Variants in ACOXL observed in about 807,000 individuals in gnomAD.
The protein encoded by ACOXL is acyl-coenzyme A oxidase-like protein.
A neutral mutation model predicts 71.9 loss-of-function variants in ACOXL; 70 were observed. The ratio of observed to expected loss-of-function variants is 0.97; its 90% CI spans 0.80 to 1.19. The LOEUF is 1.19. Among genes scored for constraint, ACOXL ranks in the 50% most tolerant of loss-of-function variants. The pLI, the probability that ACOXL is intolerant of heterozygous loss-of-function variation, is 0.00. For synonymous variants in ACOXL, 253 were observed against 281.6 expected, an observed-to-expected ratio of 0.90 and a Z score of 1.02; for missense variants, 703 against 736.3, an observed-to-expected ratio of 0.95 and a Z score of 0.52.
At chr2:110,890,877 A>G (rs1371976987) in intron 10 of ACOXL, among the ~76,000 whole-genome samples, 2 of 152,176 alleles carry the variant, frequency 1.3e-5, no homozygotes, top group African/African-American at 2.4e-5. Flanking sequence ...TGGAGATTAC[A>G]TTGAACTTGC....
intron 15 of ACOXL, among the ~76,000 whole-genome samples, chr2:111,044,839 A>T (rs1025581397): frequency 6.6e-6 from 1 of 152,148 alleles, no homozygotes; most frequent in South Asian, 2.1e-4. Flanking sequence ...GCAGCAGAGG[A>T]AACCTGTTTC....
At chr2:110,769,223 G>GAA (rs565453011) in intron 2 of ACOXL, among the ~76,000 whole-genome samples, 2 of 135,470 alleles carry the variant, frequency 1.5e-5, no homozygotes, top group African/African-American at 5.9e-5. Flanking sequence ...TTAGCCTCAT[G>GAA]AAAAAAGAAA....
chr2:110,744,041 A>G (rs767673896), intron 1 of ACOXL, among the ~76,000 whole-genome samples: 1 of 152,204 alleles, frequency 6.6e-6, no homozygotes, highest in Non-Finnish European at 1.5e-5. Flanking sequence ...CAGATGTCCC[A>G]CACCTAGGCC....
intron 15 of ACOXL, 100 bp downstream of exon 15, chr2:111,031,814 G>A: frequency 1.7e-6 from 2 of 1,200,656 alleles, no homozygotes; most frequent in South Asian, 2.5e-5. Context: ...CCAACACACA[G>A]GGAAGGGACA....
At chr2:110,918,945 A>C (rs2059964107) in intron 11 of ACOXL, among the ~76,000 whole-genome samples, 1 of 152,200 alleles carries the variant, frequency 6.6e-6, no homozygotes, top group South Asian at 2.1e-4. Flanking sequence ...ATGCTTTTAC[A>C]CTGTTGGTGG....
At chr2:110,956,291 T>C (rs1036615140) in intron 12 of ACOXL, among the ~76,000 whole-genome samples, 3 of 152,166 alleles carry the variant, frequency 2.0e-5, no homozygotes, top group African/African-American at 7.2e-5. Context: ...TGGCTGTAGT[T>C]CACTATGGGT....
intron 16 of ACOXL, among the ~76,000 whole-genome samples, chr2:111,083,266 G>GTTTCTT (rs765079210): frequency 3.2e-4 from 48 of 152,218 alleles, no homozygotes; most frequent in Non-Finnish European, 6.0e-4. Flanking sequence ...TAAAAAGGGG[G>GTTTCTT]CTGTGTCAGG....
chr2:110,845,809 C>T (rs751231786), intron 10 of ACOXL, among the ~76,000 whole-genome samples: 2 of 152,162 alleles, frequency 1.3e-5, no homozygotes, highest in Non-Finnish European at 2.9e-5. Flanking sequence ...GTATAGGCCA[C>T]GTTCTGTTTC....
At chr2:110,764,209 A>G (rs927806976) in intron 1 of ACOXL, among the ~76,000 whole-genome samples, 7 of 152,222 alleles carry the variant, frequency 4.6e-5, no homozygotes, top group South Asian at 2.1e-4. Context: ...AAACCTGCAC[A>G]TGGATATTTA....
chr2:110,964,401 G>A (rs1195454063), intron 12 of ACOXL, among the ~76,000 whole-genome samples: 2 of 152,202 alleles, frequency 1.3e-5, no homozygotes, highest in Admixed American at 6.5e-5. Context: ...CTTTCAGAGA[G>A]TGCTATTTAT....
rs113159692 is a variant in ACOXL, at chr2:110,829,465, T to C, written c.754-11906T>C. 3.3e-3 allele frequency among the ~76,000 whole-genome samples: 502 copies of C among 152,322 alleles called. 3 individuals carry two copies. Among genetic ancestry groups the C allele is most frequent in the African/African-American group, 0.012 (488 of 41,576 alleles). On this transcript the variant is annotated intron_variant, in intron 9 of 17. Coordinates refer to ENST00000439055, the MANE Select transcript of ACOXL (RefSeq NM_001142807.4). ...GAGGAAGAGAGAGCTCCTTGTAGAA[T>C]TGTCCTAGAAATATTCAGAAAGCTC... is the stretch of plus-strand genomic sequence containing the variant.
At chr2:111,011,881 TAAAAA>T (rs35965746) in intron 14 of ACOXL, among the ~76,000 whole-genome samples, 15,383 of 112,474 alleles carry the variant, frequency 0.14, 1,578 homozygotes, top group African/African-American at 0.3. Flanking sequence ...GAGACTCTGT[TAAAAA>T]AAAAAAAAAA....
intron 1 of ACOXL, among the ~76,000 whole-genome samples, chr2:110,733,491 A>C (rs1042723430): frequency 6.6e-6 from 1 of 152,136 alleles, no homozygotes; most frequent in Non-Finnish European, 1.5e-5. Flanking sequence ...TACCCATTTC[A>C]AGCAGTCTGA....
intron 9 of ACOXL, among the ~76,000 whole-genome samples, chr2:110,839,790 C>A (rs1342204134): frequency 6.6e-6 from 1 of 152,118 alleles, no homozygotes; most frequent in Non-Finnish European, 1.5e-5. Flanking sequence ...CCCTTTCACC[C>A]TCCCACAGCC....
At position 110,827,227 on chromosome 2, in the gene ACOXL, A is replaced by G. The variant is rs181031895; in HGVS notation, c.754-14144A>G. On this transcript the variant is annotated intron_variant, in intron 9 of 17. Coordinates refer to ENST00000439055, the MANE Select transcript of ACOXL (RefSeq NM_001142807.4). ...GGTGGGAAAGGATCTATACACAGGCACTGACACCCACATATGCCCTGCAGG... is the reference window on the plus strand; with the variant it reads ...GGTGGGAAAGGATCTATACACAGGCGCTGACACCCACATATGCCCTGCAGG... Among the ~76,000 whole-genome samples, 156 of 152,322 alleles carry G rather than the reference A, an allele frequency of 1.0e-3. 1 individual carries two copies. Among genetic ancestry groups the G allele is most frequent in the African/African-American group, 3.6e-3 (149 of 41,582 alleles).
chr2:111,003,787 A>G (rs1258801416), intron 14 of ACOXL, among the ~76,000 whole-genome samples: 1 of 152,178 alleles, frequency 6.6e-6, no homozygotes, highest in African/African-American at 2.4e-5. Flanking sequence ...GGTCAATTCA[A>G]ATAAATATTC....
At chr2:110,816,468 A>T (rs754223318) in intron 9 of ACOXL, among the ~76,000 whole-genome samples, 2 of 152,220 alleles carry the variant, frequency 1.3e-5, no homozygotes, top group Non-Finnish European at 2.9e-5. Context: ...TCTAATGTGT[A>T]TATGGAGATC....
At chr2:110,786,664 G>A (rs1400267749) in intron 3 of ACOXL, among the ~76,000 whole-genome samples, 1 of 152,172 alleles carries the variant, frequency 6.6e-6, no homozygotes, top group Admixed American at 6.5e-5. Context: ...CAGCTCTCTG[G>A]GTGGGGAGCC....
intron 14 of ACOXL, among the ~76,000 whole-genome samples, chr2:111,004,449 C>T (rs1250303815): frequency 6.6e-6 from 1 of 152,116 alleles, no homozygotes; most frequent in African/African-American, 2.4e-5. Context: ...CCTTTGCAAT[C>T]ATTTGATAAT....
Sources: gnomAD v4.1 joint callset for allele counts (sites outside exome capture counted in the v4.1 genomes callset) on GRCh38, gnomAD v4.1.1 for gene constraint, MANE v1.5 for transcripts, NCBI Gene and HGNC (gene_info 2026-07-23, HGNC 2026-07-21) for gene names.